The following ASAH2 variants were observed in gnomAD, a reference collection of about 807,000 sequenced individuals.
ASAH2 encodes neutral ceramidase.
A neutral mutation model predicts 82.9 loss-of-function variants in ASAH2; 58 were observed. That is an observed-to-expected ratio of 0.70 (90% CI 0.57 to 0.87). The LOEUF (loss-of-function observed/expected upper bound fraction) is 0.87, where lower values mean the gene tolerates loss of function less well. Among genes scored for constraint, ASAH2 ranks in the 40% least tolerant of loss-of-function variants. The pLI is 0.00. For synonymous variants in ASAH2, 276 were observed against 289.7 expected (o/e 0.95, Z 0.48); for missense variants, 779 against 834.0 (o/e 0.93, Z 0.81).
intron 20 of ASAH2, among the ~76,000 whole-genome samples, chr10:50,188,286 G>T (rs1435010375): frequency 6.8e-6 from 1 of 147,256 alleles, no homozygotes; most frequent in Non-Finnish European, 1.5e-5. Context: ...CCATGGAAGA[G>T]TGCTTGAGAT....
intron 18 of ASAH2, among the ~76,000 whole-genome samples, chr10:50,194,565 A>G (rs1382618389): frequency 6.6e-6 from 1 of 151,140 alleles, no homozygotes; most frequent in Non-Finnish European, 1.5e-5. Flanking sequence ...AAACAAGACA[A>G]GAGTGTCCAG....
At position 50,221,279 on chromosome 10, in the gene ASAH2, T is replaced by C. The variant is rs1845737670; in HGVS notation, c.894-2649A>G. On this transcript the variant is annotated intron_variant, in intron 7 of 20. Coordinates refer to ENST00000682911, the MANE Select transcript of ASAH2 (RefSeq NM_019893.4). ...TTCCAGTTACATGGATTTTGCTTTT[T>C]TGGAGTTTCTTTAGTTTGGAAGAAA... is the stretch of plus-strand genomic sequence containing the variant. Among the ~76,000 whole-genome samples the C allele has an allele frequency of 2.0e-5, 3 of 152,184 alleles. No homozygotes were observed. In the South Asian group the frequency reaches 6.2e-4, roughly 32 times the overall value.
At chr10:50,243,482 G>A in intron 3 of ASAH2, 131 bp from the exon 4 acceptor site, 1 of 950,870 alleles carries the variant, frequency 1.1e-6, no homozygotes, top group Non-Finnish European at 1.5e-6. Flanking sequence ...GGCTCTGAGT[G>A]AGAGGATATA....
In ASAH2 at chr10:50,234,553, C is replaced by T; in HGVS notation, c.688-1G>A. 1 of 1,612,642 alleles carries T rather than the reference C, an allele frequency of 6.2e-7. No individual in the cohort carries two copies. Among genetic ancestry groups the T allele is most frequent in the South Asian group, 1.1e-5 (1 of 91,058 alleles). On this transcript the variant is annotated splice_acceptor_variant, in intron 5 of 20. Coordinates refer to ENST00000682911, the MANE Select transcript of ASAH2 (RefSeq NM_019893.4). LOFTEE classifies it high-confidence loss of function. ...TATTTGTGTGTGCTATGTCAATGCTCTGAAGGTTAAAAAAGAGGGGGATGT... is the reference window on the plus strand; with the variant it reads ...TATTTGTGTGTGCTATGTCAATGCTTTGAAGGTTAAAAAAGAGGGGGATGT...
intron 9 of ASAH2, 74 bp downstream of exon 9, chr10:50,214,669 T>C: frequency 6.3e-7 from 1 of 1,577,454 alleles, no homozygotes; most frequent in Non-Finnish European, 8.7e-7. Context: ...TATTTGTAAA[T>C]TAATGATAAA....
At chr10:50,222,032 T>C (rs1408880763) in intron 7 of ASAH2, among the ~76,000 whole-genome samples, 1 of 152,114 alleles carries the variant, frequency 6.6e-6, no homozygotes. Flanking sequence ...AGGAGGGCCC[T>C]GTGTTCAGAG....
At chr10:50,228,536 T>C (rs1169748309) in intron 7 of ASAH2, among the ~76,000 whole-genome samples, 1 of 152,222 alleles carries the variant, frequency 6.6e-6, no homozygotes, top group Non-Finnish European at 1.5e-5. Context: ...ATATATATAC[T>C]GCAACTGAGT....
At chr10:50,235,410 G>A (rs981264453) in intron 5 of ASAH2, among the ~76,000 whole-genome samples, 15 of 152,102 alleles carry the variant, frequency 9.9e-5, no homozygotes, top group Non-Finnish European at 1.9e-4. Context: ...GAGTTTAAGG[G>A]TATTTGTCAG....
chr10:50,194,316 T>C (rs1844917825), intron 18 of ASAH2, among the ~76,000 whole-genome samples: 1 of 151,524 alleles, frequency 6.6e-6, no homozygotes, highest in Non-Finnish European at 1.5e-5. Flanking sequence ...CATGACTAAA[T>C]GATACGGCAT....
At chr10:50,206,538 A>ACG in intron 12 of ASAH2, among the ~76,000 whole-genome samples, 1 of 1,502 alleles carries the variant, frequency 6.7e-4, no homozygotes, top group South Asian at 0.071. Context: ...TTAGTTATCT[A>ACG]CACACACACA....
At chr10:50,224,658 T>C (rs1404595560) in intron 7 of ASAH2, among the ~76,000 whole-genome samples, 1 of 152,196 alleles carries the variant, frequency 6.6e-6, no homozygotes, top group South Asian at 2.1e-4. Flanking sequence ...CACTAGACTT[T>C]CCATGAGTGG....
intron 20 of ASAH2, among the ~76,000 whole-genome samples, chr10:50,187,913 G>T (rs1164081871): frequency 5.0e-5 from 1 of 20,172 alleles, no homozygotes; most frequent in African/African-American, 6.0e-5. Context: ...ATATATATAT[G>T]TATATATATA....
intron 15 of ASAH2, 79 bp from the exon 16 acceptor site, chr10:50,203,003 A>G (rs1845196512): frequency 6.2e-6 from 6 of 971,656 alleles, no homozygotes; most frequent in Non-Finnish European, 1.0e-5. Context: ...TTAACACACA[A>G]GCATTGATTA....
At position 50,203,621 on chromosome 10, in the gene ASAH2, T is replaced by A. The variant is rs1241482697; in HGVS notation, c.1665+19A>T. The A allele has an allele frequency of 6.2e-7, 1 of 1,606,526 alleles. No homozygotes were observed. The highest frequency in any genetic ancestry group is 1.3e-5 in the African/African-American group (1 of 74,616). On this transcript the variant is annotated intron_variant, in intron 15 of 20. Coordinates refer to ENST00000682911, the MANE Select transcript of ASAH2 (RefSeq NM_019893.4). Reference sequence around the variant, plus strand: ...ACCAAACATGAACATGTAGATATGTTATTTTATTTTTAACTTACTGCTTGA... The same window carrying A: ...ACCAAACATGAACATGTAGATATGTAATTTTATTTTTAACTTACTGCTTGA...
chr10:50,251,350 G>C (rs1275919998), intron 1 of ASAH2, among the ~76,000 whole-genome samples, 45 bp downstream of exon 1: 1 of 152,172 alleles, frequency 6.6e-6, no homozygotes, highest in Non-Finnish European at 1.5e-5. Context: ...GATAATTCAA[G>C]AGCCCTCCTT....
intron 4 of ASAH2, 23 bp downstream of exon 4, chr10:50,243,179 A>C: frequency 6.2e-7 from 1 of 1,611,774 alleles, no homozygotes; most frequent in Non-Finnish European, 8.5e-7. Flanking sequence ...TTCTTCATTC[A>C]TTTCTCCTCT....
chr10:50,216,556 C>T (rs930651041), intron 8 of ASAH2, among the ~76,000 whole-genome samples: 5 of 152,118 alleles, frequency 3.3e-5, no homozygotes, highest in African/African-American at 4.8e-5. Context: ...GATCCCTTTG[C>T]CCTTTAAAAA....
Position 50,214,770 on chromosome 10 carries a change from G to A in ASAH2, c.1113C>T (p.Asn371=), listed in dbSNP as rs535284890. 189 of 1,613,754 alleles carry A rather than the reference G, an allele frequency of 1.2e-4. No homozygotes were observed. Among genetic ancestry groups the A allele is most frequent in the African/African-American group, 1.7e-4 (13 of 75,032 alleles). Residue 371 remains asparagine, a synonymous_variant, in exon 9 of 21, where the codon AAC becomes AAT. Coordinates refer to ENST00000682911, the MANE Select transcript of ASAH2 (RefSeq NM_019893.4). ...CACCAATGGGACAAGTGCTATTGGC[G>A]TTATCACAGGACTCTCCTGTGTTGA... is the stretch of plus-strand genomic sequence containing the variant. ...RCINTGESCD[N]ANSTCPIGGP... is the part of the protein sequence containing the mutation.
chr10:50,215,877 C>T (rs1229619435), intron 8 of ASAH2, among the ~76,000 whole-genome samples: 1 of 152,146 alleles, frequency 6.6e-6, no homozygotes, highest in Non-Finnish European at 1.5e-5. Flanking sequence ...TTTATTGCAG[C>T]ACTATTCACA....
Sources: gnomAD v4.1 joint callset for allele counts (sites outside exome capture counted in the v4.1 genomes callset) on GRCh38, gnomAD v4.1.1 for gene constraint, MANE v1.5 for transcripts, NCBI Gene and HGNC (gene_info 2026-07-23, HGNC 2026-07-21) for gene names.